The following TMEM132D variants were observed in gnomAD, a reference collection of about 807,000 sequenced individuals.
The protein encoded by TMEM132D is mature OL transmembrane protein.
TMEM132D carries 21 observed loss-of-function variants against 62.3 expected under a neutral mutation model. That is an observed-to-expected ratio of 0.34 (90% confidence interval 0.24 to 0.49). The LOEUF (loss-of-function observed/expected upper bound fraction) is 0.49, where lower values mean the gene tolerates loss of function less well. Ranked by LOEUF, TMEM132D falls within the 20% of genes least tolerant of loss-of-function variation. The pLI, the probability that TMEM132D is intolerant of heterozygous loss-of-function variation, is 0.99. For missense variants in TMEM132D, 1,346 were observed against 1,402.8 expected, an observed-to-expected ratio of 0.96 and a Z score of 0.65; for synonymous variants, 621 against 575.6, an observed-to-expected ratio of 1.08 and a Z score of -1.13.
chr12:129,531,038 C>A, intron 3 of TMEM132D, 21 bp downstream of exon 3: 1 of 1,590,546 alleles, frequency 6.3e-7, no homozygotes, highest in Non-Finnish European at 8.6e-7. Context: ...CTGAATATAT[C>A]GGAGGCCAGT....
intron 2 of TMEM132D, among the ~76,000 whole-genome samples, chr12:129,575,722 T>G: frequency 6.6e-6 from 1 of 151,588 alleles, no homozygotes; most frequent in Non-Finnish European, 1.5e-5. Flanking sequence ...GATTTGTGGA[T>G]GGTTAATTCA....
chr12:129,871,139 A>G (rs554078224), intron 1 of TMEM132D, among the ~76,000 whole-genome samples: 30 of 152,300 alleles, frequency 2.0e-4, no homozygotes, highest in Middle Eastern at 3.4e-3. Flanking sequence ...TGCAATTTCA[A>G]TGTGGGCCTT....
At chr12:129,218,799 A>G (rs538443854) in intron 4 of TMEM132D, among the ~76,000 whole-genome samples, 4 of 152,294 alleles carry the variant, frequency 2.6e-5, no homozygotes, top group Admixed American at 2.6e-4. Context: ...CCCCCAAAAC[A>G]GGCCTAAGAC....
chr12:129,452,088 GCTC>G (rs1391985201), intron 3 of TMEM132D, among the ~76,000 whole-genome samples: 2 of 152,144 alleles, frequency 1.3e-5, no homozygotes, highest in Admixed American at 1.3e-4. Context: ...ATTTTTCCTG[GCTC>G]CTCATGTCCT....
intron 2 of TMEM132D, among the ~76,000 whole-genome samples, chr12:129,685,103 T>C (rs1026175379): frequency 1.3e-5 from 2 of 152,208 alleles, no homozygotes; most frequent in African/African-American, 2.4e-5. Flanking sequence ...GAAGATACAA[T>C]AGAAAATAAA....
chr12:129,893,345 T>A (rs958872930), intron 1 of TMEM132D, among the ~76,000 whole-genome samples: 2 of 152,168 alleles, frequency 1.3e-5, no homozygotes, highest in Non-Finnish European at 2.9e-5. Context: ...ATTCGATCAA[T>A]GATAATAAAA....
chr12:129,455,693 G>C (rs1421272773), intron 3 of TMEM132D, among the ~76,000 whole-genome samples: 13 of 152,194 alleles, frequency 8.5e-5, no homozygotes, highest in Non-Finnish European at 1.9e-4. Flanking sequence ...AGGCACGGTG[G>C]CTCAGGAGCA....
chr12:129,897,493 G>A (rs1277921946), intron 1 of TMEM132D, among the ~76,000 whole-genome samples: 1 of 152,154 alleles, frequency 6.6e-6, no homozygotes, highest in African/African-American at 2.4e-5. Context: ...AACAGGTCCT[G>A]AAGACAGTCC....
At chr12:129,214,123 G>A (rs752538692) in intron 4 of TMEM132D, among the ~76,000 whole-genome samples, 7 of 152,202 alleles carry the variant, frequency 4.6e-5, no homozygotes, top group Non-Finnish European at 8.8e-5. Context: ...CCCGATGGAT[G>A]GTGACACTTG....
chr12:129,282,318 G>T (rs940162966), intron 4 of TMEM132D, among the ~76,000 whole-genome samples: 1 of 152,116 alleles, frequency 6.6e-6, no homozygotes, highest in East Asian at 1.9e-4. Flanking sequence ...GGCAGAGCCC[G>T]GTTGCTGACA....
At chr12:129,454,819 G>A (rs1252700073) in intron 3 of TMEM132D, among the ~76,000 whole-genome samples, 1 of 152,128 alleles carries the variant, frequency 6.6e-6, no homozygotes, top group Admixed American at 6.5e-5. Flanking sequence ...ATCCACAAGT[G>A]CCATTACAAT....
At chr12:129,527,164 C>A (rs1876072233) in intron 3 of TMEM132D, among the ~76,000 whole-genome samples, 1 of 152,076 alleles carries the variant, frequency 6.6e-6, no homozygotes, top group Non-Finnish European at 1.5e-5. Context: ...CAAAAATTAG[C>A]CAGGTGTGGT....
intron 2 of TMEM132D, among the ~76,000 whole-genome samples, chr12:129,654,279 CGTGTGTGTGTGTGTGTGAGTGTGTGT>C (rs958133757): frequency 9.5e-5 from 10 of 105,532 alleles, no homozygotes; most frequent in South Asian, 4.7e-4. Context: ...CTCACTCTCT[CGTGTGTGTGTGTGTGTGAGTGTGTGT>C]GTGTGTGTGT....
chr12:129,494,300 G>T (rs1216390288), intron 3 of TMEM132D, among the ~76,000 whole-genome samples: 8 of 152,158 alleles, frequency 5.3e-5, no homozygotes, highest in Non-Finnish European at 7.3e-5. Flanking sequence ...AGGAAATAAG[G>T]AGCAGAGGAC....
chr12:129,348,358 T>C (rs1593346454), intron 3 of TMEM132D, among the ~76,000 whole-genome samples: 1 of 152,208 alleles, frequency 6.6e-6, no homozygotes, highest in South Asian at 2.1e-4. Context: ...ATATACACCA[T>C]GGAATACTAT....
chr12:129,903,859 G>T lies in TMEM132D; in HGVS notation c.-520C>A, dbSNP rs1379813506. On this transcript the variant is annotated 5_prime_UTR_variant, in exon 1 of 9. Coordinates refer to ENST00000422113, the MANE Select transcript of TMEM132D (RefSeq NM_133448.3). The surrounding 1 kb of genome is among the most constrained non-coding windows in gnomAD (Gnocchi z 6.2). ...TCGCTGGGCGGCCCGGGGCTCCCTG[G>T]CCCGCAGCCCCCATCCCAGGCCGGC... Among the ~76,000 whole-genome samples the T allele has an allele frequency of 6.8e-6, 1 of 146,688 alleles. No individual in the cohort carries two copies. Among genetic ancestry groups the T allele is most frequent in the Non-Finnish European group, 1.5e-5 (1 of 65,952 alleles).
chr12:129,863,207 C>G (rs1873951251), intron 1 of TMEM132D, among the ~76,000 whole-genome samples: 1 of 152,092 alleles, frequency 6.6e-6, no homozygotes, highest in South Asian at 2.1e-4. Flanking sequence ...ATTGTGAAGC[C>G]TTTACAGAAC....
At chr12:129,803,116 A>G (rs1871853026) in intron 1 of TMEM132D, among the ~76,000 whole-genome samples, 1 of 151,672 alleles carries the variant, frequency 6.6e-6, no homozygotes, top group African/African-American at 2.4e-5. Context: ...CACTGTCAAC[A>G]TTAGACAGAT....
At chr12:129,688,893 T>C (rs899406662) in intron 2 of TMEM132D, among the ~76,000 whole-genome samples, 2 of 152,220 alleles carry the variant, frequency 1.3e-5, no homozygotes, top group Non-Finnish European at 1.5e-5. Flanking sequence ...ATTTGCTCTA[T>C]GAATATTTTC....
Sources: gnomAD v4.1 joint callset for allele counts (sites outside exome capture counted in the v4.1 genomes callset) on GRCh38, gnomAD v4.1.1 for gene constraint, Gnocchi (gnomAD v3.1) non-coding constraint, MANE v1.5 for transcripts, NCBI Gene and HGNC (gene_info 2026-07-23, HGNC 2026-07-21) for gene names.